Variants in PAAF1 observed in about 807,000 individuals in gnomAD.
PAAF1 encodes the protein proteasomal ATPase associated factor 1.
Under a neutral mutation model 52.8 loss-of-function variants are expected in PAAF1, and 46 were observed. The ratio of observed to expected loss-of-function variants is 0.87; its 90% CI spans 0.69 to 1.11. The LOEUF (loss-of-function observed/expected upper bound fraction) is 1.11, where lower values mean the gene tolerates loss of function less well. Among genes scored for constraint, PAAF1 ranks in the 50% most tolerant of loss-of-function variants. PAAF1 has a pLI of 0.00. For synonymous variants in PAAF1, 178 were observed against 172.8 expected (o/e 1.03, Z -0.24); for missense variants, 424 against 477.4 (o/e 0.89, Z 1.04).
chr11:73,917,014 A>AT (rs1950084703), intron 9 of PAAF1, among the ~76,000 whole-genome samples: 5 of 151,966 alleles, frequency 3.3e-5, no homozygotes. Flanking sequence ...AGATTGAATT[A>AT]TTTTTATTTA....
chr11:73,893,540 C>T (rs910761015), intron 4 of PAAF1, among the ~76,000 whole-genome samples: 3 of 151,688 alleles, frequency 2.0e-5, no homozygotes, highest in African/African-American at 7.3e-5. Context: ...AGTTCAAGAC[C>T]AGCCTGGACA....
At chr11:73,888,131 A>G (rs746884363) in intron 3 of PAAF1, among the ~76,000 whole-genome samples, 1 of 152,222 alleles carries the variant, frequency 6.6e-6, no homozygotes, top group Non-Finnish European at 1.5e-5. Flanking sequence ...AAAAATTATT[A>G]GAGATATTTT....
chr11:73,919,508 A>G (rs1291505100), intron 10 of PAAF1, among the ~76,000 whole-genome samples: 1 of 152,236 alleles, frequency 6.6e-6, no homozygotes, highest in Non-Finnish European at 1.5e-5. Flanking sequence ...AGCTGAAGCT[A>G]TTGTATATGC....
intron 3 of PAAF1, among the ~76,000 whole-genome samples, chr11:73,889,931 A>C (rs1949156373): frequency 6.6e-6 from 1 of 152,232 alleles, no homozygotes; most frequent in Admixed American, 6.5e-5. Flanking sequence ...TTAAAGGAGT[A>C]GATGATCTGT....
chr11:73,900,142 T>G, intron 5 of PAAF1, 128 bp from the exon 6 acceptor site: 1 of 970,596 alleles, frequency 1.0e-6, no homozygotes, highest in South Asian at 2.3e-5. Flanking sequence ...TGGATATCCT[T>G]AGTTTTAAAA....
At chr11:73,918,112 C>A (rs1950114470) in intron 9 of PAAF1, among the ~76,000 whole-genome samples, 1 of 152,080 alleles carries the variant, frequency 6.6e-6, no homozygotes, top group Non-Finnish European at 1.5e-5. Flanking sequence ...AAAGAGCTGG[C>A]CTCGGTAGAA....
intron 5 of PAAF1, 66 bp downstream of exon 5, chr11:73,899,310 G>A: frequency 8.4e-7 from 1 of 1,188,496 alleles, no homozygotes; most frequent in Non-Finnish European, 1.2e-6. Context: ...CTTGGACTGG[G>A]ACATGGAAGG....
intron 10 of PAAF1, among the ~76,000 whole-genome samples, chr11:73,923,147 T>C (rs577853726): frequency 6.6e-6 from 1 of 152,246 alleles, no homozygotes; most frequent in South Asian, 2.1e-4. Context: ...AAGACAAGGA[T>C]TCATTTTTGG....
At chr11:73,897,771 A>C (rs990465982) in intron 4 of PAAF1, among the ~76,000 whole-genome samples, 3 of 151,966 alleles carry the variant, frequency 2.0e-5, no homozygotes, top group Non-Finnish European at 4.4e-5. Flanking sequence ...CTCACTTCCC[A>C]GACAGGGTGG....
chr11:73,926,245 T>G (rs980909474), intron 11 of PAAF1, among the ~76,000 whole-genome samples: 4 of 152,152 alleles, frequency 2.6e-5, no homozygotes, highest in African/African-American at 9.7e-5. Flanking sequence ...CAGCTGGGAT[T>G]ACAGGCATGC....
intron 2 of PAAF1, chr11:73,880,440 C>T (rs1221782893): frequency 1.3e-5 from 2 of 149,546 alleles, no homozygotes; most frequent in African/African-American, 4.9e-5. Flanking sequence ...GATTGTGCCA[C>T]TGTACTTCAG....
At position 73,899,249 on chromosome 11, in the gene PAAF1, A is replaced by T. The variant is rs373572986; in HGVS notation, c.381+5A>T. The stretch of plus-strand genomic sequence containing the variant: ...GCTTCCAATGGAGAACTCAGGGTAA[A>T]GGATTTGGATGTACTTTTAGGTCTT... On this transcript the variant is annotated splice_donor_5th_base_variant and intron_variant, in intron 5 of 11. Coordinates refer to ENST00000310571, the MANE Select transcript of PAAF1 (RefSeq NM_025155.3). The T allele has an allele frequency of 1.2e-6, 2 of 1,611,656 alleles. No individual in the cohort carries two copies. The highest frequency in any genetic ancestry group is 1.7e-6 in the Non-Finnish European group (2 of 1,177,932).
chr11:73,914,385 T>A, intron 7 of PAAF1, 28 bp from the exon 8 acceptor site: 1 of 1,606,022 alleles, frequency 6.2e-7, no homozygotes, highest in African/African-American at 1.3e-5. Flanking sequence ...AGCCTCACTG[T>A]TATTAACATA....
At chr11:73,921,393 CT>C (rs34598736) in intron 10 of PAAF1, among the ~76,000 whole-genome samples, 11,013 of 145,760 alleles carry the variant, frequency 0.076, 586 homozygotes, top group African/African-American at 0.16. Flanking sequence ...ACTTTTTGTA[CT>C]TTTTTTTTTT....
chr11:73,896,922 G>C (rs549752011), intron 4 of PAAF1, among the ~76,000 whole-genome samples: 54 of 149,102 alleles, frequency 3.6e-4, no homozygotes, highest in Middle Eastern at 3.7e-3. Flanking sequence ...TGGCCGGACG[G>C]GGGGGCTGAC....
intron 6 of PAAF1, among the ~76,000 whole-genome samples, chr11:73,907,913 G>A (rs557387002): frequency 1.0e-3 from 155 of 152,262 alleles, no homozygotes; most frequent in Non-Finnish European, 2.5e-4. Context: ...TAGCAGTTTT[G>A]TGTTGGAGGC....
intron 6 of PAAF1, among the ~76,000 whole-genome samples, chr11:73,908,399 G>GTATATA (rs1217683996): frequency 7.0e-6 from 1 of 143,726 alleles, no homozygotes; most frequent in African/African-American, 2.6e-5. Context: ...ATATATATAT[G>GTATATA]TGTATATATA....
intron 10 of PAAF1, chr11:73,921,923 G>A (rs537212783): frequency 1.9e-6 from 2 of 1,079,172 alleles, no homozygotes; most frequent in Admixed American, 1.8e-5. Context: ...TTCTCACCTT[G>A]GCTTTTGGAA....
intron 5 of PAAF1, among the ~76,000 whole-genome samples, 170 bp downstream of exon 5, chr11:73,899,414 T>C (rs1448106921): frequency 1.7e-5 from 2 of 115,062 alleles, no homozygotes; most frequent in East Asian, 5.8e-4. Context: ...TTCTCTTTTT[T>C]TTTTTTTTTT....
Sources: gnomAD v4.1 joint callset for allele counts (sites outside exome capture counted in the v4.1 genomes callset) on GRCh38, gnomAD v4.1.1 for gene constraint, MANE v1.5 for transcripts, NCBI Gene and HGNC (gene_info 2026-07-23, HGNC 2026-07-21) for gene names.